MUSK: variants seen among roughly 807,000 people sequenced by gnomAD.
MUSK encodes muscle, skeletal receptor tyrosine-protein kinase.
Under a neutral mutation model 88.7 loss-of-function variants are expected in MUSK, and 55 were observed. The observed-to-expected ratio is 0.62, with a 90% CI of 0.50 to 0.78. The LOEUF is 0.78. Ranked by LOEUF, MUSK falls within the 30% of genes least tolerant of loss-of-function variation. MUSK has a pLI of 0.00. For missense variants in MUSK, 1,015 were observed against 1,074.3 expected (o/e 0.94, Z 0.77); for synonymous variants, 387 against 391.9 (o/e 0.99, Z 0.15).
At chr9:110,765,622 G>A (rs1365379767) in intron 8 of MUSK, among the ~76,000 whole-genome samples, 6 of 152,124 alleles carry the variant, frequency 3.9e-5, no homozygotes, top group East Asian at 3.9e-4. Context: ...CACCCAGGCC[G>A]GAGTGCAGAG....
chr9:110,685,331 C>G (rs1049530533), intron 2 of MUSK, among the ~76,000 whole-genome samples: 1 of 152,010 alleles, frequency 6.6e-6, no homozygotes, highest in Admixed American at 6.6e-5. Flanking sequence ...GATATATGAT[C>G]TTTCTAATGT....
chr9:110,718,794 G>A (rs1198702417), intron 5 of MUSK, among the ~76,000 whole-genome samples: 2 of 151,930 alleles, frequency 1.3e-5, no homozygotes, highest in Non-Finnish European at 2.9e-5. Context: ...AGGTTATCTA[G>A]AATCAAGACA....
In MUSK at chr9:110,805,166, A is replaced by G. The variant is rs1215577094; in HGVS notation, c.*4178A>G. Among the ~76,000 whole-genome samples, 1 of 151,952 alleles carries G rather than the reference A, an allele frequency of 6.6e-6. No homozygotes were observed. The highest frequency in any genetic ancestry group is 2.4e-5 in the African/African-American group (1 of 41,442). ...CATCCTGTTGCTAAATTTTGTAAGC[A>G]TTTATCTTAAGTGATTTCTTTAGCT... On this transcript the variant is annotated 3_prime_UTR_variant, in exon 15 of 15. Transcript: ENST00000374448.
At chr9:110,689,665 A>C (rs2076266653) in intron 3 of MUSK, among the ~76,000 whole-genome samples, 1 of 10,336 alleles carries the variant, frequency 9.7e-5, no homozygotes, top group African/African-American at 6.2e-4. Context: ...TATAATATAC[A>C]TAGTATATTA....
At chr9:110,761,776 G>T (rs1031210279) in intron 7 of MUSK, 4 of 222,266 alleles carry the variant, frequency 1.8e-5, no homozygotes, top group Admixed American at 6.5e-5. Context: ...GGGTTTCACC[G>T]TGTTAGCCAG....
chr9:110,785,640 G>T lies in MUSK; in HGVS notation c.1700G>T (p.Ser567Ile). ...MPLLLNPKLL[S>I]LEYPRNNIEY... ...CTCCTTCTGAACCCCAAATTGCTCA[G>T]CCTGGAGTATCCAAGGAATAACATT... Residue 567 changes from serine to isoleucine, a missense_variant, in exon 13 of 15, where the codon AGC becomes ATC. Transcript: ENST00000374448. 1 of 1,613,262 alleles carries T rather than the reference G, an allele frequency of 6.2e-7. No individual in the cohort carries two copies. The highest frequency in any genetic ancestry group is 8.5e-7 in the Non-Finnish European group (1 of 1,179,578).
At chr9:110,684,021 T>C (rs77113913) in intron 2 of MUSK, among the ~76,000 whole-genome samples, 18,569 of 152,092 alleles carry the variant, frequency 0.12, 1,458 homozygotes, top group Non-Finnish European at 0.17. Flanking sequence ...TTTGGTTGCC[T>C]ATGCCTGTGG....
At chr9:110,693,584 T>C (rs2131706471) in intron 3 of MUSK, among the ~76,000 whole-genome samples, 1 of 152,346 alleles carries the variant, frequency 6.6e-6, no homozygotes, top group South Asian at 2.1e-4. Context: ...CCACCCTGAA[T>C]CATGTTCCCT....
At chr9:110,689,292 T>C (rs1333817772) in intron 3 of MUSK, among the ~76,000 whole-genome samples, 1 of 117,642 alleles carries the variant, frequency 8.5e-6, no homozygotes, top group Admixed American at 1.0e-4. Context: ...TATAAATATA[T>C]AGCTATATAT....
chr9:110,742,982 TGGA>T (rs1356718683), intron 6 of MUSK, among the ~76,000 whole-genome samples: 1 of 152,194 alleles, frequency 6.6e-6, no homozygotes, highest in Non-Finnish European at 1.5e-5. Flanking sequence ...AGAAATCCCA[TGGA>T]GGAGAACACA....
rs2076410324 is a variant in MUSK at position 110,694,733 on chromosome 9, G to A, written c.359-670G>A. On this transcript the variant is annotated intron_variant, in intron 3 of 14. Transcript: ENST00000374448. ...AACTTATCAATTCTTTTGTATATTA[G>A]ATTTAATAACTTTCTTTGAAAGTTT... 2.6e-5 allele frequency among the ~76,000 whole-genome samples: 4 copies of A among 152,076 alleles called. No individual in the cohort carries two copies. The South Asian group carries it at 8.3e-4, about 31-fold the overall frequency.
chr9:110,695,268 T>G, intron 3 of MUSK, 135 bp from the exon 4 acceptor site: 1 of 606,312 alleles, frequency 1.6e-6, no homozygotes, highest in Non-Finnish European at 2.7e-6. Context: ...TGTCTTTGCA[T>G]TTGGTGAATT....
In MUSK at chr9:110,801,140, A is replaced by C. The variant is rs559630424; in HGVS notation, c.*152A>C. 4.7e-6 allele frequency: 3 copies of C among 634,294 alleles called. No individual in the cohort carries two copies. The highest frequency in any genetic ancestry group is 4.0e-5 in the South Asian group (1 of 24,904). The allele number at this position is 634,294 out of a possible 1,614,324, so 39.3% of individuals were successfully genotyped here. ...TTTGCTTCCCAGGGAGAGCAAAGAC[A>C]GTGCAAAACCCATGTGGTAGACGGA... On this transcript the variant is annotated 3_prime_UTR_variant, in exon 15 of 15. Coordinates refer to ENST00000374448, the MANE Select transcript of MUSK (RefSeq NM_005592.4).
chr9:110,700,912 A>G (rs2076492920), intron 5 of MUSK, among the ~76,000 whole-genome samples: 3 of 152,208 alleles, frequency 2.0e-5, no homozygotes, highest in Admixed American at 6.5e-5. Flanking sequence ...ACGATAAATT[A>G]TATGGTTACT....
chr9:110,735,073 C>T (rs1480399878), intron 6 of MUSK, among the ~76,000 whole-genome samples: 1 of 151,908 alleles, frequency 6.6e-6, no homozygotes, highest in Non-Finnish European at 1.5e-5. Context: ...GAAAGTTCAA[C>T]CTTAGGAGAA....
rs2078147277 is a variant in MUSK at position 110,805,230 on chromosome 9, A to T, written c.*4242A>T. Among the ~76,000 whole-genome samples the T allele has an allele frequency of 6.6e-6, 1 of 151,938 alleles. No homozygotes were observed. Among genetic ancestry groups the T allele is most frequent in the South Asian group, 2.1e-4 (1 of 4,822 alleles). ...GTGAAATTTCTAGATTAAAGGATAA[A>T]TGCACTTTTAATACTTTTTAAATAT... On this transcript the variant is annotated 3_prime_UTR_variant, in exon 15 of 15. Coordinates refer to ENST00000374448, the MANE Select transcript of MUSK (RefSeq NM_005592.4).
At position 110,669,139 on chromosome 9, in the gene MUSK, T is replaced by A. The variant is rs574192439; in HGVS notation, c.79+156T>A. ...ATGATGAGGGAGGAAATTATATACATAAGCAATTGGTTGATGGTCTCTCTA... is the reference window on the plus strand; with the variant it reads ...ATGATGAGGGAGGAAATTATATACAAAAGCAATTGGTTGATGGTCTCTCTA... On this transcript the variant is annotated intron_variant, in intron 1 of 14. Transcript: ENST00000374448. Among the ~76,000 whole-genome samples the A allele has an allele frequency of 2.0e-5, 3 of 152,290 alleles. No individual in the cohort carries two copies. The East Asian group carries it at 5.8e-4, about 29-fold the overall frequency.
chr9:110,765,572 G>A (rs182618548), intron 8 of MUSK, among the ~76,000 whole-genome samples: 1 of 136,178 alleles, frequency 7.3e-6, no homozygotes, highest in East Asian at 2.8e-4. Context: ...CAGATACAGG[G>A]AAAGCAATCC....
chr9:110,761,426 C>A lies in MUSK; in HGVS notation c.914-776C>A, dbSNP rs927169561. Among the ~76,000 whole-genome samples the A allele has an allele frequency of 9.2e-5, 14 of 151,926 alleles. 1 individual carries two copies. The highest frequency in any genetic ancestry group is 2.9e-4 in the African/African-American group (12 of 41,232). On this transcript the variant is annotated intron_variant, in intron 7 of 14. Coordinates refer to ENST00000374448, the MANE Select transcript of MUSK (RefSeq NM_005592.4). ...CCCAGGGCACACAGCCTTGAGGCAG[C>A]CAGGTCTATGAGAACAACCATTGCC...
Sources: gnomAD v4.1 joint callset for allele counts (sites outside exome capture counted in the v4.1 genomes callset) on GRCh38, gnomAD v4.1.1 for gene constraint, MANE v1.5 for transcripts, NCBI Gene and HGNC (gene_info 2026-07-23, HGNC 2026-07-21) for gene names.